RGS7: variants seen among roughly 807,000 people sequenced by gnomAD.
The protein encoded by RGS7 is regulator of G-protein signaling 7.
RGS7 carries 27 observed loss-of-function variants against 81.1 expected under a neutral mutation model. The observed-to-expected ratio is 0.33, with a 90% CI of 0.25 to 0.46. RGS7 has a LOEUF of 0.46. RGS7 is among the 20% of genes least tolerant of loss of function. The pLI, the probability that RGS7 is intolerant of heterozygous loss-of-function variation, is 1.00. For synonymous variants in RGS7, 208 were observed against 207.7 expected, an observed-to-expected ratio of 1.00 and a Z score of -0.01; for missense variants, 396 against 607.4, an observed-to-expected ratio of 0.65 and a Z score of 3.66.
chr1:240,889,457 G>A (rs1667921318), intron 6 of RGS7, among the ~76,000 whole-genome samples: 1 of 152,092 alleles, frequency 6.6e-6, no homozygotes, highest in African/African-American at 2.4e-5. Flanking sequence ...TTATGTCAGG[G>A]CTGAGCCGGG....
intron 6 of RGS7, among the ~76,000 whole-genome samples, chr1:240,896,957 C>T (rs1163559359): frequency 5.9e-5 from 9 of 152,106 alleles, no homozygotes; most frequent in East Asian, 1.9e-4. Context: ...TCTTTTATTT[C>T]GTTGAGCAGT....
chr1:241,139,508 T>C (rs574146522), intron 2 of RGS7, among the ~76,000 whole-genome samples: 1 of 152,308 alleles, frequency 6.6e-6, no homozygotes, highest in East Asian at 1.9e-4. Context: ...TTTGGGTAAA[T>C]AGTGGATATT....
At chr1:241,074,369 G>A (rs985123304) in intron 3 of RGS7, among the ~76,000 whole-genome samples, 4 of 152,142 alleles carry the variant, frequency 2.6e-5, no homozygotes, top group Non-Finnish European at 5.9e-5. Flanking sequence ...TTGAAAATTG[G>A]TGAGGATTGA....
At chr1:240,820,450 T>G (rs573006618) in intron 10 of RGS7, among the ~76,000 whole-genome samples, 1 of 152,044 alleles carries the variant, frequency 6.6e-6, no homozygotes, top group Admixed American at 6.5e-5. Flanking sequence ...ACTAGAAAAA[T>G]TATCCCGTTT....
chr1:241,099,256 A>C (rs1243459701), intron 2 of RGS7, among the ~76,000 whole-genome samples: 4 of 152,194 alleles, frequency 2.6e-5, no homozygotes, highest in Non-Finnish European at 5.9e-5. Flanking sequence ...ACTGATTGCC[A>C]ACTACTATTA....
chr1:241,020,957 G>A (rs961622064), intron 3 of RGS7, among the ~76,000 whole-genome samples: 12 of 152,150 alleles, frequency 7.9e-5, no homozygotes, highest in Non-Finnish European at 2.9e-5. Context: ...TGGTTCTTAT[G>A]TTGTAAATGG....
intron 2 of RGS7, among the ~76,000 whole-genome samples, chr1:241,246,944 G>A (rs1367901917): frequency 6.6e-6 from 1 of 152,064 alleles, no homozygotes; most frequent in South Asian, 2.1e-4. Context: ...AGCAGCAAGG[G>A]AAGGAATTAG....
rs2068131813 is a variant in RGS7 at position 241,144,260 on chromosome 1, CAT to C, written c.79-45500_79-45499del. 1.3e-5 allele frequency among the ~76,000 whole-genome samples: 2 copies of C among 152,144 alleles called. No homozygotes were observed. The highest frequency in any genetic ancestry group is 4.8e-5 in the African/African-American group (2 of 41,422). ...CCAAATTGACATACATGTGCTGGCG[CAT>C]ATGTTGTTTATTTCTCTGCTGTTTA... On this transcript the variant is annotated intron_variant, in intron 2 of 18. Coordinates refer to ENST00000440928, the MANE Select transcript of RGS7 (RefSeq NM_001364886.1). This position sits in a 1 kb window ranked among gnomAD's most constrained non-coding sequence, Gnocchi z 4.7.
At chr1:240,779,018 G>T (rs1160530759) in intron 18 of RGS7, among the ~76,000 whole-genome samples, 2 of 152,080 alleles carry the variant, frequency 1.3e-5, no homozygotes, top group East Asian at 3.9e-4. Context: ...TTACTCCCCA[G>T]TGTGATGCTA....
rs111426330 is a variant in RGS7, at chr1:241,232,192, T to TTC, written c.78+123505_78+123506dup. Among the ~76,000 whole-genome samples, 609 of 149,094 alleles carry TTC rather than the reference T, an allele frequency of 4.1e-3. 8 individuals are homozygous for TTC. The highest frequency in any genetic ancestry group is 0.014 in the African/African-American group (576 of 40,560). ...TCTGTTCCATTGTTGTATATGTCTATTCTCTCTCTCTCTCTCTCTTTCTCT... is the reference window on the plus strand; with the variant it reads ...TCTGTTCCATTGTTGTATATGTCTATTCTCTCTCTCTCTCTCTCTCTTTCTCT... On this transcript the variant is annotated intron_variant, in intron 2 of 18. Transcript: ENST00000440928.
chr1:241,249,922 C>T (rs1169528825), intron 2 of RGS7, among the ~76,000 whole-genome samples: 3 of 152,056 alleles, frequency 2.0e-5, no homozygotes, highest in South Asian at 2.1e-4. Flanking sequence ...GACTCATAAA[C>T]ATAACAGTTA....
At chr1:241,349,440 A>G (rs1387599779) in intron 2 of RGS7, among the ~76,000 whole-genome samples, 2 of 152,252 alleles carry the variant, frequency 1.3e-5, no homozygotes, top group African/African-American at 4.8e-5. Context: ...CTTTCCAGAT[A>G]GGCCACTCAG....
chr1:240,983,192 T>A, intron 3 of RGS7, 63 bp from the exon 4 acceptor site: 1 of 886,562 alleles, frequency 1.1e-6, no homozygotes, highest in Non-Finnish European at 1.8e-6. Flanking sequence ...ATATTAACTT[T>A]AAGAATTCTC....
chr1:241,007,438 T>C (rs1398358402), intron 3 of RGS7, among the ~76,000 whole-genome samples: 2 of 152,130 alleles, frequency 1.3e-5, no homozygotes, highest in Non-Finnish European at 2.9e-5. Context: ...CAACAATAGG[T>C]CATTAGTAGT....
At chr1:240,983,730 T>C (rs191023535) in intron 3 of RGS7, among the ~76,000 whole-genome samples, 5 of 152,330 alleles carry the variant, frequency 3.3e-5, no homozygotes, top group African/African-American at 1.2e-4. Flanking sequence ...TGAAACCTCA[T>C]TGGAACCCAT....
At chr1:241,217,471 T>C (rs113727643) in intron 2 of RGS7, among the ~76,000 whole-genome samples, 35 of 152,338 alleles carry the variant, frequency 2.3e-4, no homozygotes, top group African/African-American at 8.4e-4. Flanking sequence ...AGATTTGTAC[T>C]GTGACCCTGT....
At chr1:240,983,888 C>T (rs1685285296) in intron 3 of RGS7, among the ~76,000 whole-genome samples, 1 of 152,122 alleles carries the variant, frequency 6.6e-6, no homozygotes, top group East Asian at 1.9e-4. Flanking sequence ...GTGATGAATA[C>T]AAAGTATGAG....
intron 2 of RGS7, among the ~76,000 whole-genome samples, chr1:241,232,127 C>A (rs2075696781): frequency 6.6e-6 from 1 of 152,160 alleles, no homozygotes. Context: ...TGAAAACCAA[C>A]TGACCATACA....
intron 3 of RGS7, among the ~76,000 whole-genome samples, chr1:240,999,345 C>T (rs1284532323): frequency 1.3e-5 from 2 of 152,056 alleles, no homozygotes; most frequent in Non-Finnish European, 2.9e-5. Context: ...TACACTAACA[C>T]TAATGATAGC....
Sources: allele counts gnomAD v4.1 joint callset (sites outside exome capture counted in the v4.1 genomes callset), GRCh38; gene constraint gnomAD v4.1.1; non-coding constraint Gnocchi (gnomAD v3.1); transcripts MANE v1.5; gene names NCBI Gene and HGNC (gene_info 2026-07-23, HGNC 2026-07-21).